SPATA1: variants seen among roughly 807,000 people sequenced by gnomAD.
SPATA1 encodes spermatogenesis associated 1, also known as spermatogenesis-associated protein 1.
In SPATA1, 57 loss-of-function variants were observed where a neutral mutation model predicts 59.6. The observed-to-expected ratio is 0.96, with a 90% CI of 0.77 to 1.19. The LOEUF (loss-of-function observed/expected upper bound fraction) is 1.19. SPATA1 is among the 50% of genes most tolerant of loss of function. The pLI is 0.00. For missense variants in SPATA1, 448 were observed against 480.7 expected (o/e 0.93, Z 0.64); for synonymous variants, 147 against 163.9 (o/e 0.90, Z 0.79).
intron 6 of SPATA1, among the ~76,000 whole-genome samples, chr1:84,529,279 A>T (rs1444289044): frequency 6.6e-6 from 1 of 150,534 alleles, no homozygotes; most frequent in Admixed American, 6.6e-5. Flanking sequence ...TTTGTTGGAA[A>T]GAAATCCAGT....
At chr1:84,551,151 T>G in intron 12 of SPATA1, 1 of 985,196 alleles carries the variant, frequency 1.0e-6, no homozygotes, top group Non-Finnish European at 1.2e-6. Flanking sequence ...ATTAAAAAGC[T>G]TTTTTGTTGA....
intron 8 of SPATA1, among the ~76,000 whole-genome samples, chr1:84,538,152 G>C (rs1173805441): frequency 6.6e-6 from 1 of 152,230 alleles, no homozygotes; most frequent in Non-Finnish European, 1.5e-5. Flanking sequence ...CTGTGGAGAA[G>C]ATTAATGGGC....
Position 84,540,362 on chromosome 1 carries a change from C to T in SPATA1, c.718-3840C>T, listed in dbSNP as rs112676731. Among the ~76,000 whole-genome samples, 5 of 152,014 alleles carry T rather than the reference C, an allele frequency of 3.3e-5. 1 individual carries two copies. Among genetic ancestry groups the T allele is most frequent in the African/African-American group, 1.2e-4 (5 of 41,454 alleles). Reference sequence around the variant, plus strand: ...TCTAATATTTATCTTTATAGTAATACACTTAAGCTAGTATTTTCGGCCCCT... The same window carrying T: ...TCTAATATTTATCTTTATAGTAATATACTTAAGCTAGTATTTTCGGCCCCT... On this transcript the variant is annotated intron_variant, in intron 8 of 12. Coordinates refer to ENST00000490879, the Ensembl canonical transcript of SPATA1.
At chr1:84,551,251 T>C in intron 12 of SPATA1, 2 of 984,846 alleles carry the variant, frequency 2.0e-6, no homozygotes, top group Non-Finnish European at 1.2e-6. Context: ...CTCTCATTTC[T>C]TTATCAGAAA....
intron 4 of SPATA1, among the ~76,000 whole-genome samples, chr1:84,560,100 AGAAAGAAAGAAAGAAAGAAAG>A (rs1558625639): frequency 1.2e-4 from 2 of 17,080 alleles, no homozygotes; most frequent in African/African-American, 1.2e-4. Flanking sequence ...AAAAAAAAAA[AGAAAGAAAGAAAGAAAGAAAG>A]AAAGAAAGAA....
chr1:84,544,385 G>C, intron 9 of SPATA1, 81 bp downstream of exon 9: 4 of 1,062,646 alleles, frequency 3.8e-6, no homozygotes, highest in Non-Finnish European at 5.5e-6. Context: ...TGTTTAATGG[G>C]TATAGAGTTT....
At chr1:84,566,002 T>C in exon 5 of SPATA1, 1 of 1,542,760 alleles carries the variant, frequency 6.5e-7, no homozygotes, top group Non-Finnish European at 8.7e-7. Flanking sequence ...CCAAGCTACA[T>C]CAAAGGTTAC....
chr1:84,514,435 AT>A (rs1682709835), intron 1 of SPATA1, among the ~76,000 whole-genome samples: 1 of 152,186 alleles, frequency 6.6e-6, no homozygotes, highest in Non-Finnish European at 1.5e-5. Flanking sequence ...ATTTTTTCAA[AT>A]TTTGGGATAT....
exon 10 of SPATA1, chr1:84,545,643 T>C (rs1684061649): frequency 6.6e-7 from 1 of 1,510,680 alleles, no homozygotes; most frequent in South Asian, 1.4e-5. Flanking sequence ...GGAGAGAAGA[T>C]TATCAAACAA....
intron 1 of SPATA1, chr1:84,506,999 A>T (rs1190540708): frequency 2.0e-5 from 3 of 152,168 alleles, no homozygotes; most frequent in African/African-American, 7.2e-5. Context: ...GTGTTTCCGG[A>T]AAGTTTGCTC....
At chr1:84,541,913 T>C (rs1435435644) in intron 8 of SPATA1, among the ~76,000 whole-genome samples, 1 of 152,160 alleles carries the variant, frequency 6.6e-6, no homozygotes, top group Non-Finnish European at 1.5e-5. Context: ...TCTGCTGCTG[T>C]AGTGAAATGC....
At position 84,550,899 on chromosome 1, in the gene SPATA1, G is replaced by A. The variant is rs534020836; in HGVS notation, c.1224+369G>A. ...CTGAACTGACATTTAATTTTTTATG[G>A]GTAATCGTTTCATTTTTTCTGGTTA... is the stretch of plus-strand genomic sequence containing the variant. On this transcript the variant is annotated intron_variant, in intron 12 of 12. Transcript: ENST00000490879. 8.2e-5 allele frequency: 80 copies of A among 978,484 alleles called. No homozygotes were observed. In the African/African-American group the frequency reaches 1.2e-3, roughly 15 times the overall value. 60.6% of individuals were successfully genotyped at this position (978,484 alleles called of 1,614,324 possible).
intron 12 of SPATA1, chr1:84,551,654 A>G (rs910055201): frequency 6.6e-6 from 1 of 152,196 alleles, no homozygotes; most frequent in Non-Finnish European, 1.5e-5. Flanking sequence ...GAGGCTAAAT[A>G]AGCCCTGGTT....
chr1:84,563,433 G>C (rs757491234), intron 4 of SPATA1: 2 of 1,471,516 alleles, frequency 1.4e-6, no homozygotes, highest in Admixed American at 5.1e-5. Context: ...AAATGCAAAA[G>C]TGCTCATGTT....
chr1:84,541,934 GT>G (rs139183189), intron 8 of SPATA1, among the ~76,000 whole-genome samples: 1 of 150,728 alleles, frequency 6.6e-6, no homozygotes, highest in Non-Finnish European at 1.5e-5. Context: ...AGGTTTTTGA[GT>G]TTTTTTTGTT....
intron 1 of SPATA1, among the ~76,000 whole-genome samples, chr1:84,509,930 G>T (rs1682463390): frequency 6.6e-6 from 1 of 152,164 alleles, no homozygotes. Context: ...GCTTACGCTT[G>T]TAATCCCAGC....
At chr1:84,563,829 T>C (rs756882316) in intron 4 of SPATA1, 4 of 1,602,862 alleles carry the variant, frequency 2.5e-6, no homozygotes, top group Non-Finnish European at 2.6e-6. Flanking sequence ...GTAGTCATTA[T>C]ATCCTAGTCA....
intron 9 of SPATA1, 29 bp from the exon 10 acceptor site, chr1:84,545,605 T>C (rs1301007797): frequency 1.3e-6 from 2 of 1,485,828 alleles, no homozygotes; most frequent in African/African-American, 1.5e-5. Context: ...CTTTGAGACA[T>C]TGATGAATAT....
intron 1 of SPATA1, among the ~76,000 whole-genome samples, chr1:84,514,741 C>T (rs529707131): frequency 8.5e-5 from 13 of 152,084 alleles, no homozygotes; most frequent in African/African-American, 1.9e-4. Flanking sequence ...GAGGCCGAGA[C>T]GGGCGAATCA....
Sources: gnomAD v4.1 joint callset for allele counts (sites outside exome capture counted in the v4.1 genomes callset) on GRCh38, gnomAD v4.1.1 for gene constraint, MANE v1.5 for transcripts, NCBI Gene and HGNC (gene_info 2026-07-23, HGNC 2026-07-21) for gene names.